Variants in GSK3B observed in about 807,000 individuals in gnomAD.
GSK3B encodes the protein glycogen synthase kinase-3 beta.
GSK3B carries 15 observed loss-of-function variants against 56.4 expected under a neutral mutation model. That is an observed-to-expected ratio of 0.27 (90% CI 0.18 to 0.41). The LOEUF (loss-of-function observed/expected upper bound fraction) is 0.41. Ranked by LOEUF, GSK3B falls within the 10% of genes least tolerant of loss-of-function variation. GSK3B has a pLI of 1.00. For missense variants in GSK3B, 300 were observed against 513.4 expected (o/e 0.58, Z 4.02); for synonymous variants, 181 against 188.9 (o/e 0.96, Z 0.34).
intron 1 of GSK3B, chr3:120,029,102 C>T: frequency 1.3e-6 from 1 of 771,812 alleles, no homozygotes; most frequent in Non-Finnish European, 2.2e-6. Context: ...CAATATGAAT[C>T]ACTGAAATCC....
intron 1 of GSK3B, among the ~76,000 whole-genome samples, chr3:120,005,812 T>C (rs892939996): frequency 6.6e-6 from 1 of 152,150 alleles, no homozygotes; most frequent in East Asian, 1.9e-4. Context: ...GTAGCAGCCA[T>C]TGCAAAAACA....
intron 8 of GSK3B, among the ~76,000 whole-genome samples, chr3:119,868,813 T>C (rs1325946174): frequency 6.6e-6 from 1 of 152,144 alleles, no homozygotes; most frequent in Non-Finnish European, 1.5e-5. Flanking sequence ...TAATAAACCA[T>C]GAATACTCCT....
intron 1 of GSK3B, among the ~76,000 whole-genome samples, chr3:120,035,084 C>T (rs957399883): frequency 2.0e-5 from 3 of 151,852 alleles, no homozygotes; most frequent in Non-Finnish European, 4.4e-5. Context: ...GAGAGTGAGA[C>T]TCCATCTCAA....
At chr3:119,834,482 G>A (rs1359728661) in intron 10 of GSK3B, among the ~76,000 whole-genome samples, 1 of 152,156 alleles carries the variant, frequency 6.6e-6, no homozygotes, top group East Asian at 1.9e-4. Context: ...CAGGATACCT[G>A]GAAGACCTGT....
chr3:120,056,466 C>T (rs142125275), intron 1 of GSK3B, among the ~76,000 whole-genome samples: 5 of 152,220 alleles, frequency 3.3e-5, no homozygotes, highest in African/African-American at 4.8e-5. Context: ...CAGCCTCCCA[C>T]GTAGCTGGGA....
At chr3:119,904,958 G>GT (rs74674739) in intron 7 of GSK3B, among the ~76,000 whole-genome samples, 3,183 of 137,758 alleles carry the variant, frequency 0.023, 101 homozygotes, top group African/African-American at 0.071. Flanking sequence ...TAGACACTAG[G>GT]TTTTTTTTTT....
At chr3:119,966,734 C>T (rs79679298) in intron 2 of GSK3B, among the ~76,000 whole-genome samples, 3,945 of 152,164 alleles carry the variant, frequency 0.026, 175 homozygotes, top group African/African-American at 0.089. Context: ...TTTTTTATCT[C>T]AGGGTGATCT....
intron 2 of GSK3B, among the ~76,000 whole-genome samples, chr3:119,969,430 G>C (rs1050283384): frequency 6.6e-6 from 1 of 152,146 alleles, no homozygotes; most frequent in African/African-American, 2.4e-5. Context: ...TTCCCAACTT[G>C]ATCTGCAAAT....
chr3:119,837,943 C>CATATATATATATATATATATAT (rs10574860), intron 10 of GSK3B, among the ~76,000 whole-genome samples: 3 of 138,598 alleles, frequency 2.2e-5, no homozygotes, highest in African/African-American at 7.8e-5. Context: ...TGACCATTCA[C>CATATATATATATATATATATAT]ATATATATAT....
chr3:119,978,849 C>T (rs987125639), intron 2 of GSK3B, among the ~76,000 whole-genome samples: 17 of 152,178 alleles, frequency 1.1e-4, no homozygotes, highest in African/African-American at 4.1e-4. Context: ...CCTCAGAGGA[C>T]CAGCAGGACT....
At chr3:119,947,867 C>A in intron 2 of GSK3B, among the ~76,000 whole-genome samples, 2 of 137,994 alleles carry the variant, frequency 1.4e-5, no homozygotes, top group African/African-American at 2.7e-5. Context: ...AGCGAAACTC[C>A]ATCTCAAAAA....
At chr3:120,014,525 A>G (rs1222685544) in intron 1 of GSK3B, among the ~76,000 whole-genome samples, 1 of 152,204 alleles carries the variant, frequency 6.6e-6, no homozygotes, top group Admixed American at 6.5e-5. Context: ...AACAAATGAA[A>G]CTATGAAGAA....
At chr3:119,961,168 TC>T (rs1166532696) in intron 2 of GSK3B, among the ~76,000 whole-genome samples, 4 of 151,996 alleles carry the variant, frequency 2.6e-5, no homozygotes, top group African/African-American at 7.3e-5. Context: ...CTCTCTCTAA[TC>T]CCTCTCCAGC....
At chr3:120,089,572 T>A (rs370485088) in intron 1 of GSK3B, among the ~76,000 whole-genome samples, 3 of 152,186 alleles carry the variant, frequency 2.0e-5, no homozygotes, top group Non-Finnish European at 4.4e-5. Context: ...ACTATTATTC[T>A]CTCTTTGCTA....
chr3:120,036,734 G>A (rs993112184), intron 1 of GSK3B, among the ~76,000 whole-genome samples: 17 of 147,964 alleles, frequency 1.1e-4, no homozygotes, highest in African/African-American at 3.1e-4. Flanking sequence ...CAGAAGTTGC[G>A]GTGAGCCAAG....
At chr3:119,947,144 GGGCA>G (rs1175064624) in intron 3 of GSK3B, 120 bp downstream of exon 3, 4 of 653,598 alleles carry the variant, frequency 6.1e-6, no homozygotes, top group Non-Finnish European at 1.1e-5. Context: ...AGTATTGCTG[GGGCA>G]AGTGTTTCGG....
At chr3:119,953,270 G>A (rs1418777938) in intron 2 of GSK3B, among the ~76,000 whole-genome samples, 2 of 146,196 alleles carry the variant, frequency 1.4e-5, no homozygotes, top group Non-Finnish European at 3.0e-5. Context: ...AGATAGTAAC[G>A]AAGAACGGAA....
At chr3:120,065,349 T>C (rs139051347) in intron 1 of GSK3B, among the ~76,000 whole-genome samples, 144 of 152,260 alleles carry the variant, frequency 9.5e-4, no homozygotes, top group African/African-American at 3.4e-3. Flanking sequence ...CCAACAATGG[T>C]GGTTTGCACC....
chr3:119,859,122 A>G (rs2056064019), intron 9 of GSK3B, among the ~76,000 whole-genome samples: 1 of 151,820 alleles, frequency 6.6e-6, no homozygotes, highest in South Asian at 2.1e-4. Flanking sequence ...AAGTAAGCAT[A>G]GCCTGTTGGA....
Sources: allele counts gnomAD v4.1 joint callset (sites outside exome capture counted in the v4.1 genomes callset), GRCh38; gene constraint gnomAD v4.1.1; transcripts MANE v1.5; gene names NCBI Gene and HGNC (gene_info 2026-07-23, HGNC 2026-07-21).